Variants in TFDP2 observed in about 807,000 individuals in gnomAD.
TFDP2 encodes the protein transcription factor Dp-2 (E2F dimerization partner 2).
Under a neutral mutation model 59.3 loss-of-function variants are expected in TFDP2, and 17 were observed. The ratio of observed to expected loss-of-function variants is 0.29; its 90% confidence interval spans 0.20 to 0.43. The LOEUF is 0.43. Among genes scored for constraint, TFDP2 ranks in the 20% least tolerant of loss-of-function variants. The pLI, the probability that TFDP2 is intolerant of heterozygous loss-of-function variation, is 1.00. For missense variants in TFDP2, 391 were observed against 528.8 expected (o/e 0.74, Z 2.56); for synonymous variants, 180 against 194.7 (o/e 0.92, Z 0.63).
chr3:142,093,082 G>T lies in TFDP2; in HGVS notation c.61C>A (p.Gln21Lys). Reference sequence around the variant, plus strand: ...TTACCTTTTGTTGGACTGAGATTCTGATCTATAAATCCTCTTACTTCTGCA... The same window carrying T: ...TTACCTTTTGTTGGACTGAGATTCTTATCTATAAATCCTCTTACTTCTGCA... ...TNAEVRGFID[Q>K]NLSPTKGNIS... The change falls in exon 3 of 13, where the codon CAG becomes AAG. Residue 21 changes from glutamine (Q) to lysine (K), a missense_variant. Gln to Lys is a moderately conservative substitution (Grantham distance 53). Around this residue, in one of 3 missense-constraint regions of TFDP2, gnomAD observed 162 missense variants for 206.8 expected, o/e 0.78. Transcript: ENST00000489671. The T allele has an allele frequency of 6.5e-7, 1 of 1,538,522 alleles. No individual in the cohort carries two copies. The highest frequency in any genetic ancestry group is 1.2e-5 in the South Asian group (1 of 83,042).
intron 11 of TFDP2, among the ~76,000 whole-genome samples, chr3:141,953,778 C>T (rs1306341756): frequency 3.5e-5 from 4 of 113,016 alleles, no homozygotes; most frequent in African/African-American, 1.3e-4. Flanking sequence ...GCTATCCCTC[C>T]CCCCTCCCCC....
chr3:141,989,197 G>C (rs12493495), intron 6 of TFDP2: 1 of 151,882 alleles, frequency 6.6e-6, no homozygotes, highest in African/African-American at 2.4e-5. Flanking sequence ...TCATGTTCAC[G>C]AATGTTGGAT....
In TFDP2 at chr3:141,951,605, G is replaced by A. The variant is rs920549309; in HGVS notation, c.*908C>T. ...CACTGGGTGAGATCATACAATTACT[G>A]CAGGGAACTGTAGGCAAGCAATTTG... On this transcript the variant is annotated 3_prime_UTR_variant, in exon 13 of 13. Transcript: ENST00000489671. The A allele has an allele frequency of 1.3e-5, 2 of 152,630 alleles. No individual in the cohort carries two copies. Among genetic ancestry groups the A allele is most frequent in the African/African-American group, 4.8e-5 (2 of 41,454 alleles). 9.5% of individuals were successfully genotyped at this position (152,630 alleles called of 1,614,324 possible). A position where few individuals can be genotyped will look rare whatever the true frequency, so the allele number is the denominator to read the frequency against.
At chr3:142,045,477 T>A (rs752797535) in intron 3 of TFDP2, among the ~76,000 whole-genome samples, 6 of 152,108 alleles carry the variant, frequency 3.9e-5, no homozygotes, top group Non-Finnish European at 8.8e-5. Flanking sequence ...GAAGAATTTC[T>A]TAATAAATCC....
chr3:142,006,176 C>T, intron 3 of TFDP2, among the ~76,000 whole-genome samples: 1 of 152,112 alleles, frequency 6.6e-6, no homozygotes, highest in Non-Finnish European at 1.5e-5. Context: ...AAACTGCTAC[C>T]AAGAAAATTC....
At chr3:141,961,237 G>GTTTTTTTTTTTTT (rs1177754086) in intron 10 of TFDP2, among the ~76,000 whole-genome samples, 5 of 84,680 alleles carry the variant, frequency 5.9e-5, no homozygotes, top group African/African-American at 1.9e-4. Flanking sequence ...GTTTTTTGTT[G>GTTTTTTTTTTTTT]TTTTTTTTTT....
intron 4 of TFDP2, among the ~76,000 whole-genome samples, chr3:141,999,944 C>T (rs889994745): frequency 6.6e-6 from 1 of 152,120 alleles, no homozygotes; most frequent in Admixed American, 6.6e-5. Context: ...ACCTTGTTAG[C>T]CAGGATGGTC....
chr3:141,957,273 CG>C (rs1349084913), intron 11 of TFDP2, among the ~76,000 whole-genome samples: 3 of 152,140 alleles, frequency 2.0e-5, no homozygotes, highest in Non-Finnish European at 4.4e-5. Flanking sequence ...AGCCAAATTA[CG>C]TCACCGCACT....
chr3:142,030,204 A>T (rs1946355549), intron 3 of TFDP2, among the ~76,000 whole-genome samples: 1 of 152,252 alleles, frequency 6.6e-6, no homozygotes, highest in Non-Finnish European at 1.5e-5. Context: ...AATACAATAC[A>T]GGGTGTAAAT....
rs1292731074 is a variant in TFDP2 at position 141,952,942 on chromosome 3, G to C, written c.1126C>G (p.Leu376Val). The C allele has an allele frequency of 6.2e-7, 1 of 1,613,942 alleles. No individual in the cohort carries two copies. Among genetic ancestry groups the C allele is most frequent in the Non-Finnish European group, 8.5e-7 (1 of 1,180,006 alleles). Residue 376 changes from leucine (L) to valine (V), a missense_variant, in exon 12 of 13, where the codon CTG becomes GTG. By Grantham distance (32) the Leu-to-Val change is conservative. Coordinates refer to ENST00000489671, the MANE Select transcript of TFDP2 (RefSeq NM_001178139.2). ...NSTQSVSNLDLTTGATLPQSS... is the reference protein window; with the variant it reads ...NSTQSVSNLDVTTGATLPQSS... ...TGGGGTAAGGTGGCACCAGTGGTCA[G>C]GTCTAAATTTGAAACTGATTGGGTA...
chr3:142,072,104 G>A (rs1195284519), intron 3 of TFDP2, among the ~76,000 whole-genome samples: 2 of 152,208 alleles, frequency 1.3e-5, no homozygotes, highest in African/African-American at 4.8e-5. Flanking sequence ...AGAGTAGACT[G>A]TCAGGGAACA....
At chr3:142,101,957 A>G in intron 1 of TFDP2, 116 bp from the exon 2 acceptor site, 1 of 413,474 alleles carries the variant, frequency 2.4e-6, no homozygotes, top group Non-Finnish European at 4.3e-6. Context: ...ATTAATCTTC[A>G]CAACAACACT....
Position 141,952,348 on chromosome 3 carries a change from C to G in TFDP2, c.*165G>C, listed in dbSNP as rs1405580762. On this transcript the variant is annotated 3_prime_UTR_variant, in exon 13 of 13. Transcript: ENST00000489671. Reference sequence around the variant, plus strand: ...ATTCACACTATGTTAACTTTCATCTCAATCATCTCAGCCTTCATGTGATTT... The same window carrying G: ...ATTCACACTATGTTAACTTTCATCTGAATCATCTCAGCCTTCATGTGATTT... The G allele has an allele frequency of 1.7e-6, 1 of 585,358 alleles. No homozygotes were observed. The highest frequency in any genetic ancestry group is 3.3e-5 in the East Asian group (1 of 30,054). 36.3% of individuals were successfully genotyped at this position (585,358 alleles called of 1,614,324 possible). A position where few individuals can be genotyped will look rare whatever the true frequency, so the allele number is the denominator to read the frequency against.
chr3:142,137,177 C>T (rs2108742778), intron 1 of TFDP2, among the ~76,000 whole-genome samples: 1 of 151,008 alleles, frequency 6.6e-6, no homozygotes, highest in South Asian at 2.1e-4. Context: ...CGTGATTTGG[C>T]TCTCTGTCTG....
At chr3:142,037,971 T>G (rs2108436117) in intron 3 of TFDP2, among the ~76,000 whole-genome samples, 1 of 152,238 alleles carries the variant, frequency 6.6e-6, no homozygotes, top group Non-Finnish European at 1.5e-5. Context: ...TAATGACAAA[T>G]CCCCCAGAAG....
At chr3:141,975,207 C>T (rs568167704) in intron 7 of TFDP2, among the ~76,000 whole-genome samples, 8 of 151,792 alleles carry the variant, frequency 5.3e-5, no homozygotes, top group African/African-American at 9.7e-5. Flanking sequence ...CCACCATGCC[C>T]GGCCTTTTTC....
intron 3 of TFDP2, among the ~76,000 whole-genome samples, chr3:142,033,921 G>A (rs942824876): frequency 1.3e-5 from 2 of 152,050 alleles, no homozygotes; most frequent in African/African-American, 4.8e-5. Context: ...TCCCTCTTCA[G>A]AAACTTTAAT....
chr3:141,966,339 A>G (rs1576481986), intron 9 of TFDP2, among the ~76,000 whole-genome samples: 1 of 151,596 alleles, frequency 6.6e-6, no homozygotes, highest in East Asian at 1.9e-4. Flanking sequence ...TGCCTGGCTA[A>G]TTTTTGCATT....
At chr3:142,056,968 T>A (rs2059769363) in intron 3 of TFDP2, among the ~76,000 whole-genome samples, 1 of 152,228 alleles carries the variant, frequency 6.6e-6, no homozygotes, top group Admixed American at 6.5e-5. Flanking sequence ...AATGTTTGTT[T>A]TAAGCTGTTA....
Sources: allele counts gnomAD v4.1 joint callset (sites outside exome capture counted in the v4.1 genomes callset), GRCh38; gene constraint gnomAD v4.1.1; regional missense constraint gnomAD v4.1.1; transcripts MANE v1.5; gene names NCBI Gene and HGNC (gene_info 2026-07-23, HGNC 2026-07-21).